ATF7IP2: variants seen among roughly 807,000 people sequenced by gnomAD.
ATF7IP2 encodes activating transcription factor 7-interacting protein 2.
Under a neutral mutation model 64.2 loss-of-function variants are expected in ATF7IP2, and 42 were observed. The ratio of observed to expected loss-of-function variants is 0.65; its 90% CI spans 0.51 to 0.85. The LOEUF (loss-of-function observed/expected upper bound fraction) is 0.85, where lower values mean the gene tolerates loss of function less well. ATF7IP2 is among the 40% of genes least tolerant of loss of function. The probability of loss-of-function intolerance (pLI) is 0.00; values close to 1 mark genes in which losing one functional copy is unlikely to be tolerated. For synonymous variants in ATF7IP2, 308 were observed against 272.8 expected (o/e 1.13, Z -1.27); for missense variants, 933 against 784.2 (o/e 1.19, Z -2.27).
chr16:10,445,176 A>G lies in ATF7IP2; in HGVS notation c.1194+4714A>G, dbSNP rs574467058. ...GCATCACACATAGCTTGGGGTCCCC[A>G]ATGGGTTCCTTGATGCAGCTGAGAC... On this transcript the variant is annotated intron_variant, in intron 8 of 13. Transcript: ENST00000562102. The G allele has an allele frequency of 1.9e-3, 284 of 152,340 alleles. 1 individual carries two copies. The highest frequency in any genetic ancestry group is 6.6e-3 in the African/African-American group (275 of 41,572). The allele number at this position is 152,340 out of a possible 1,614,324, so 9.4% of individuals were successfully genotyped here. A position where few individuals can be genotyped will look rare whatever the true frequency, so the allele number is the denominator to read the frequency against.
chr16:10,430,486 T>C, intron 4 of ATF7IP2, 125 bp from the exon 5 acceptor site: 3 of 593,912 alleles, frequency 5.1e-6, no homozygotes, highest in Non-Finnish European at 8.8e-6. Flanking sequence ...AGTAAGGTGA[T>C]TATCTAAATA....
chr16:10,422,135 T>C (rs2047999219), intron 3 of ATF7IP2, among the ~76,000 whole-genome samples: 1 of 152,238 alleles, frequency 6.6e-6, no homozygotes, highest in Admixed American at 6.5e-5. Flanking sequence ...ATGTGTCCTT[T>C]TTCTAATTGT....
At chr16:10,417,686 T>C (rs2047907338) in intron 2 of ATF7IP2, among the ~76,000 whole-genome samples, 1 of 152,122 alleles carries the variant, frequency 6.6e-6, no homozygotes, top group South Asian at 2.1e-4. Flanking sequence ...CTAAAATTTA[T>C]ATGGAAATTC....
chr16:10,446,009 C>A (rs2048791744), intron 8 of ATF7IP2: 1 of 152,186 alleles, frequency 6.6e-6, no homozygotes, highest in African/African-American at 2.4e-5. Context: ...CATGTTTGGG[C>A]AGACCAATTA....
chr16:10,430,582 G>C (rs752601859), intron 4 of ATF7IP2, 29 bp from the exon 5 acceptor site: 1 of 1,394,532 alleles, frequency 7.2e-7, no homozygotes. Flanking sequence ...CTAGAGAAAT[G>C]CATTTAAATA....
chr16:10,430,643 A>C lies in ATF7IP2; in HGVS notation c.23A>C (p.Lys8Thr). The C allele has an allele frequency of 6.2e-7, 1 of 1,613,546 alleles. No individual in the cohort carries two copies. The highest frequency in any genetic ancestry group is 1.1e-5 in the South Asian group (1 of 91,036). Residue 8 changes from lysine (K) to threonine (T), a missense_variant, in exon 5 of 14, where the codon AAA becomes ACA. Transcript: ENST00000562102. The part of the protein sequence containing the change: MASPDRS[K>T]RKILKAKKTM... ...AAGATGGCAAGTCCAGATAGAAGTA[A>C]ACGGAAGATATTAAAAGCCAAAAAG...
At chr16:10,451,736 G>C (rs780243991) in intron 8 of ATF7IP2, among the ~76,000 whole-genome samples, 5 of 151,604 alleles carry the variant, frequency 3.3e-5, no homozygotes, top group South Asian at 2.1e-4. Context: ...TTTTTTCAAA[G>C]CTCTTAGCTT....
At chr16:10,394,107 T>C (rs918490311) in intron 1 of ATF7IP2, among the ~76,000 whole-genome samples, 4 of 152,200 alleles carry the variant, frequency 2.6e-5, no homozygotes, top group Non-Finnish European at 4.4e-5. Flanking sequence ...ATTTTCATAC[T>C]GAAGGGAAAA....
intron 1 of ATF7IP2, among the ~76,000 whole-genome samples, chr16:10,405,393 C>A (rs2047616843): frequency 6.6e-6 from 1 of 151,914 alleles, no homozygotes; most frequent in Non-Finnish European, 1.5e-5. Flanking sequence ...AGTTAATATT[C>A]ATTATCGTGA....
chr16:10,433,735 A>T, intron 6 of ATF7IP2, 86 bp downstream of exon 6: 3 of 1,449,950 alleles, frequency 2.1e-6, no homozygotes, highest in South Asian at 1.2e-5. Context: ...ACAGTGGCAT[A>T]ATACAGACGA....
intron 1 of ATF7IP2, among the ~76,000 whole-genome samples, chr16:10,405,227 C>T (rs919271647): frequency 4.0e-5 from 6 of 151,626 alleles, no homozygotes; most frequent in Admixed American, 6.6e-5. Context: ...AAAAATTAGC[C>T]GAGTCTGGTG....
intron 6 of ATF7IP2, among the ~76,000 whole-genome samples, chr16:10,436,547 T>G (rs2048425142): frequency 6.6e-6 from 1 of 151,830 alleles, no homozygotes; most frequent in Non-Finnish European, 1.5e-5. Context: ...TGTTGAAGAG[T>G]GAGAACACTT....
At chr16:10,395,816 C>T (rs1381804892) in intron 1 of ATF7IP2, among the ~76,000 whole-genome samples, 1 of 152,144 alleles carries the variant, frequency 6.6e-6, no homozygotes, top group East Asian at 1.9e-4. Flanking sequence ...CCACGGTTAA[C>T]ATCATAGTGG....
At chr16:10,475,609 C>T (rs1271537199) in intron 12 of ATF7IP2, among the ~76,000 whole-genome samples, 15 of 149,588 alleles carry the variant, frequency 1.0e-4, no homozygotes, top group African/African-American at 3.0e-4. Flanking sequence ...AGGAGAATGG[C>T]GCGAACCCGG....
chr16:10,482,993 C>T lies in ATF7IP2; in HGVS notation c.*744C>T, dbSNP rs930162398. On this transcript the variant is annotated 3_prime_UTR_variant, in exon 14 of 14. Transcript: ENST00000562102. ...CCTCCCGAAGTGCTGGGATTATAGG[C>T]GTAAGCCACCATGCCTGGCCAAAAA... The T allele has an allele frequency of 6.6e-6, 1 of 152,248 alleles. No homozygotes were observed. Among genetic ancestry groups the T allele is most frequent in the Non-Finnish European group, 1.5e-5 (1 of 68,064 alleles). 9.4% of individuals were successfully genotyped at this position (152,248 alleles called of 1,614,324 possible).
intron 9 of ATF7IP2, among the ~76,000 whole-genome samples, chr16:10,461,026 GGCAAAAGACTTGT>G (rs1216749687): frequency 6.6e-6 from 1 of 151,934 alleles, no homozygotes; most frequent in Non-Finnish European, 1.5e-5. Context: ...AAGAAAAATG[GGCAAAAGACTTGT>G]GCATCCACTT....
intron 9 of ATF7IP2, among the ~76,000 whole-genome samples, chr16:10,470,147 T>C (rs2049737532): frequency 6.6e-6 from 1 of 152,142 alleles, no homozygotes; most frequent in Non-Finnish European, 1.5e-5. Flanking sequence ...TTTGTTTCTT[T>C]ATAGTGTATA....
At chr16:10,425,338 G>A (rs924016797) in intron 3 of ATF7IP2, among the ~76,000 whole-genome samples, 34 of 150,300 alleles carry the variant, frequency 2.3e-4, no homozygotes, top group African/African-American at 7.8e-4. Context: ...CTAAACTGCT[G>A]GCATTACACA....
At chr16:10,400,131 C>T (rs1030315825) in intron 1 of ATF7IP2, among the ~76,000 whole-genome samples, 28 of 152,190 alleles carry the variant, frequency 1.8e-4, no homozygotes, top group African/African-American at 6.3e-4. Flanking sequence ...ACTTCCATCG[C>T]CCGGGCTCAA....
Sources: gnomAD v4.1 joint callset for allele counts (sites outside exome capture counted in the v4.1 genomes callset) on GRCh38, gnomAD v4.1.1 for gene constraint, MANE v1.5 for transcripts, NCBI Gene and HGNC (gene_info 2026-07-23, HGNC 2026-07-21) for gene names.